The following DLGAP4 variants were observed in gnomAD, a reference collection of about 807,000 sequenced individuals.
The protein encoded by DLGAP4 is DLG associated protein 4.
DLGAP4 carries 18 observed loss-of-function variants against 86.9 expected under a neutral mutation model. That is an observed-to-expected ratio of 0.21 (90% confidence interval 0.14 to 0.31). The LOEUF is 0.31. Among genes scored for constraint, DLGAP4 ranks in the 10% least tolerant of loss-of-function variants. The probability of loss-of-function intolerance (pLI) is 1.00; values close to 1 mark genes in which losing one functional copy is unlikely to be tolerated. For synonymous variants in DLGAP4, 548 were observed against 574.3 expected, an observed-to-expected ratio of 0.95 and a Z score of 0.65; for missense variants, 1,085 against 1,362.6, an observed-to-expected ratio of 0.80 and a Z score of 3.21.
chr20:36,471,222 C>T (rs2034648007), intron 7 of DLGAP4, among the ~76,000 whole-genome samples: 1 of 152,200 alleles, frequency 6.6e-6, no homozygotes, highest in Admixed American at 6.5e-5. Context: ...GGCGCGATGG[C>T]TCATGCCTGT....
chr20:36,398,658 G>A (rs138559310), intron 2 of DLGAP4, among the ~76,000 whole-genome samples: 6 of 152,298 alleles, frequency 3.9e-5, no homozygotes, highest in African/African-American at 1.2e-4. Context: ...CCCTTTAACA[G>A]CTCTGTGAGA....
intron 2 of DLGAP4, among the ~76,000 whole-genome samples, chr20:36,383,219 G>A (rs1212225252): frequency 1.1e-4 from 17 of 152,216 alleles, no homozygotes; most frequent in Admixed American, 1.1e-3. Context: ...GGCAGCTCAA[G>A]CTGTTTACTT....
At chr20:36,334,794 T>A (rs1325647032) in intron 1 of DLGAP4, among the ~76,000 whole-genome samples, 1 of 152,074 alleles carries the variant, frequency 6.6e-6, no homozygotes, top group Non-Finnish European at 1.5e-5. Context: ...TGTGAGGATC[T>A]CCACAGTGGC....
At chr20:36,455,864 A>G (rs2033865563) in intron 7 of DLGAP4, among the ~76,000 whole-genome samples, 1 of 151,814 alleles carries the variant, frequency 6.6e-6, no homozygotes, top group African/African-American at 2.4e-5. Context: ...CCTGTCCCCC[A>G]ACCCTACCCT....
chr20:36,379,071 CAA>C (rs1467768220), intron 2 of DLGAP4, among the ~76,000 whole-genome samples: 3 of 152,110 alleles, frequency 2.0e-5, no homozygotes, highest in African/African-American at 7.2e-5. Context: ...CCCCAGGTGC[CAA>C]GAGAGAGGGG....
intron 2 of DLGAP4, among the ~76,000 whole-genome samples, chr20:36,410,113 T>C (rs1024328240): frequency 1.3e-5 from 2 of 152,116 alleles, no homozygotes; most frequent in African/African-American, 4.8e-5. Context: ...TGGGTACCCT[T>C]CCACTGATAG....
At chr20:36,333,200 G>C (rs1168596745) in intron 1 of DLGAP4, among the ~76,000 whole-genome samples, 3 of 152,170 alleles carry the variant, frequency 2.0e-5, no homozygotes, top group African/African-American at 7.2e-5. Flanking sequence ...GGGTCACAGA[G>C]GATGGGGACA....
chr20:36,481,064 G>C (rs2035164714), intron 7 of DLGAP4, among the ~76,000 whole-genome samples: 1 of 152,196 alleles, frequency 6.6e-6, no homozygotes, highest in Non-Finnish European at 1.5e-5. Flanking sequence ...ATCACGTCCA[G>C]AACTGGATGT....
At chr20:36,365,776 G>A (rs782450441) in intron 1 of DLGAP4, among the ~76,000 whole-genome samples, 9 of 152,206 alleles carry the variant, frequency 5.9e-5, no homozygotes, top group Admixed American at 1.3e-4. Context: ...GATAGCAAGG[G>A]GAGAAAGGTG....
intron 10 of DLGAP4, 27 bp from the exon 11 acceptor site, chr20:36,524,223 A>C: frequency 6.3e-7 from 1 of 1,593,488 alleles, no homozygotes; most frequent in Non-Finnish European, 8.6e-7. Flanking sequence ...GTGCTAAATC[A>C]GTCTTTTTCC....
Position 36,318,104 on chromosome 20 carries a change from TCTCACACACACACACACA to T in DLGAP4, c.-304+11594_-304+11611del, listed in dbSNP as rs1393575950. ...GCTTAAAGCAGTAATAAATGTGTCC[TCTCACACACACACACACA>T]CACACACACACACACACACACACAC... is the stretch of plus-strand genomic sequence containing the variant. On this transcript the variant is annotated intron_variant, in intron 1 of 12. Transcript: ENST00000339266. Among the ~76,000 whole-genome samples, 93 of 106,580 alleles carry T rather than the reference TCTCACACACACACACACA, an allele frequency of 8.7e-4. 1 individual carries two copies. Among genetic ancestry groups the T allele is most frequent in the African/African-American group, 3.6e-3 (89 of 24,810 alleles). The allele number at this position is 106,580 out of a possible 152,430, so 69.9% of individuals were successfully genotyped here. A position where few individuals can be genotyped will look rare whatever the true frequency, so the allele number is the denominator to read the frequency against.
intron 10 of DLGAP4, among the ~76,000 whole-genome samples, chr20:36,502,272 T>A (rs970914324): frequency 2.0e-5 from 3 of 152,242 alleles, no homozygotes; most frequent in Non-Finnish European, 2.9e-5. Flanking sequence ...CGTTTTCTTC[T>A]TTTTACATTT....
intron 7 of DLGAP4, among the ~76,000 whole-genome samples, chr20:36,450,503 A>G (rs2033709267): frequency 6.6e-6 from 1 of 151,960 alleles, no homozygotes; most frequent in African/African-American, 2.4e-5. Flanking sequence ...CGTCTCAAAA[A>G]AAAAAGAATC....
At chr20:36,370,143 T>C (rs917622604) in intron 2 of DLGAP4, among the ~76,000 whole-genome samples, 2 of 152,094 alleles carry the variant, frequency 1.3e-5, no homozygotes, top group African/African-American at 2.4e-5. Context: ...TGTGCAGTCA[T>C]AGGCAGCAGA....
intron 1 of DLGAP4, among the ~76,000 whole-genome samples, chr20:36,357,829 C>T (rs1031789438): frequency 1.3e-5 from 2 of 152,316 alleles, no homozygotes; most frequent in Non-Finnish European, 2.9e-5. Flanking sequence ...TGGAAGTCAG[C>T]AAGTGGGACG....
intron 10 of DLGAP4, among the ~76,000 whole-genome samples, chr20:36,513,282 C>T (rs1004936930): frequency 6.6e-6 from 1 of 151,726 alleles, no homozygotes; most frequent in African/African-American, 2.4e-5. Flanking sequence ...GGCGCGGTGG[C>T]TCACGCCTGT....
intron 1 of DLGAP4, among the ~76,000 whole-genome samples, chr20:36,337,010 C>T (rs1194064375): frequency 6.6e-6 from 1 of 152,128 alleles, no homozygotes; most frequent in African/African-American, 2.4e-5. Context: ...GCAGATACGG[C>T]GGAGGAAGGC....
At chr20:36,524,436 G>C (rs1600722413) in intron 11 of DLGAP4, 95 bp downstream of exon 11, 3 of 1,015,202 alleles carry the variant, frequency 3.0e-6, no homozygotes, top group East Asian at 4.8e-5. Flanking sequence ...GCCCTCCTCT[G>C]TAACACACAC....
intron 2 of DLGAP4, among the ~76,000 whole-genome samples, chr20:36,379,048 G>A (rs542933853): frequency 3.9e-5 from 6 of 152,282 alleles, no homozygotes; most frequent in South Asian, 2.1e-4. Context: ...CACTCTGGGT[G>A]ATGCTCAAAT....
Sources: allele counts gnomAD v4.1 joint callset (sites outside exome capture counted in the v4.1 genomes callset), GRCh38; gene constraint gnomAD v4.1.1; transcripts MANE v1.5; gene names NCBI Gene and HGNC (gene_info 2026-07-23, HGNC 2026-07-21).